NXPE1: variants seen among roughly 807,000 people sequenced by gnomAD.
NXPE1 encodes NXPE family member 1.
Under a neutral mutation model 33.3 loss-of-function variants are expected in NXPE1, and 31 were observed. The observed-to-expected ratio is 0.93, with a 90% CI of 0.70 to 1.26. NXPE1 has a LOEUF of 1.26. Ranked by LOEUF, NXPE1 falls within the 50% of genes most tolerant of loss-of-function variation. The pLI is 0.00. For synonymous variants in NXPE1, 229 were observed against 231.4 expected, an observed-to-expected ratio of 0.99 and a Z score of 0.09; for missense variants, 661 against 655.6, an observed-to-expected ratio of 1.01 and a Z score of -0.09.
chr11:114,530,667 C>T, exon 6 of NXPE1: 1 of 1,614,196 alleles, frequency 6.2e-7, no homozygotes, highest in Non-Finnish European at 8.5e-7. Context: ...CTGGTCTCCC[C>T]TGCAGTATGT....
downstream of NXPE1, among the ~76,000 whole-genome samples, chr11:114,519,654 G>A (rs572934470): frequency 6.6e-6 from 1 of 152,220 alleles, no homozygotes; most frequent in East Asian, 1.9e-4. Context: ...AGGGGCAGGA[G>A]GGCATTCTAG....
chr11:114,552,637 A>G (rs903498243), intron 2 of NXPE1, among the ~76,000 whole-genome samples: 21 of 152,020 alleles, frequency 1.4e-4, no homozygotes, highest in Non-Finnish European at 2.5e-4. Flanking sequence ...CCCGAGACTG[A>G]TCCAGGTTTT....
intron 1 of NXPE1, chr11:114,554,243 C>T (rs1274017366): frequency 1.0e-6 from 1 of 976,534 alleles, no homozygotes; most frequent in Non-Finnish European, 1.2e-6. Context: ...CTTTCCTGGC[C>T]TCTATTGTAT....
chr11:114,553,613 A>G (rs73568299), intron 1 of NXPE1: 3 of 593,632 alleles, frequency 5.1e-6, no homozygotes, highest in African/African-American at 2.0e-5. Flanking sequence ...TGTCTAAGCC[A>G]TAAGTAACTG....
intron 5 of NXPE1, among the ~76,000 whole-genome samples, chr11:114,544,112 T>C (rs1190695146): frequency 6.6e-6 from 1 of 152,236 alleles, no homozygotes; most frequent in Non-Finnish European, 1.5e-5. Flanking sequence ...AGAGATTCCA[T>C]GTTCATGGAT....
chr11:114,522,769 G>A (rs1840585), intron 8 of NXPE1, 110 bp downstream of exon 8: 124,023 of 754,930 alleles, frequency 0.16, 14,075 homozygotes, highest in African/African-American at 0.45. Flanking sequence ...CAAATCCAGA[G>A]AGCCAAATGA....
At chr11:114,527,568 T>A (rs1947408362) in intron 7 of NXPE1, among the ~76,000 whole-genome samples, 1 of 152,194 alleles carries the variant, frequency 6.6e-6, no homozygotes, top group South Asian at 2.1e-4. Context: ...CAAAGACATT[T>A]GCACAGTGCC....
chr11:114,557,184 G>A (rs1948671775), intron 1 of NXPE1, among the ~76,000 whole-genome samples: 3 of 152,164 alleles, frequency 2.0e-5, no homozygotes, highest in Admixed American at 6.5e-5. Flanking sequence ...ATGAGCTACC[G>A]TGCCCGGCCC....
exon 6 of NXPE1, chr11:114,530,887 A>T (rs773884891): frequency 4.3e-6 from 7 of 1,611,818 alleles, no homozygotes; most frequent in Admixed American, 1.7e-5. Flanking sequence ...ACAGAGATGG[A>T]TAAGTTTAGA....
At chr11:114,541,667 T>TG (rs1948101674) in intron 5 of NXPE1, among the ~76,000 whole-genome samples, 3 of 151,994 alleles carry the variant, frequency 2.0e-5, no homozygotes, top group African/African-American at 4.8e-5. Flanking sequence ...CAATTTGAAG[T>TG]GGGGGGGATG....
intron 5 of NXPE1, among the ~76,000 whole-genome samples, chr11:114,550,447 G>T (rs1377518605): frequency 6.6e-6 from 1 of 152,104 alleles, no homozygotes; most frequent in East Asian, 1.9e-4. Context: ...GTATGCTACG[G>T]AGGCCGCACT....
chr11:114,530,157 C>A lies in NXPE1; in HGVS notation c.833+18G>T. The A allele has an allele frequency of 1.3e-6, 2 of 1,574,412 alleles. No individual in the cohort carries two copies. The highest frequency in any genetic ancestry group is 1.4e-5 in the African/African-American group (1 of 73,714). Reference sequence around the variant, plus strand: ...TTCTCAGGGGACACTTCTCAGTATACATGAAAAGTATACTCACCTGTGGAA... The same window carrying A: ...TTCTCAGGGGACACTTCTCAGTATAAATGAAAAGTATACTCACCTGTGGAA... On this transcript the variant is annotated intron_variant, in intron 6 of 8. Coordinates refer to ENST00000534921, the Ensembl canonical transcript of NXPE1.
At chr11:114,558,072 C>A (rs1015739809) in intron 1 of NXPE1, among the ~76,000 whole-genome samples, 1 of 152,004 alleles carries the variant, frequency 6.6e-6, no homozygotes, top group Admixed American at 6.6e-5. Context: ...CTTAACAGAT[C>A]AAATATAACA....
chr11:114,522,346 T>C, exon 9 of NXPE1: 1 of 1,614,138 alleles, frequency 6.2e-7, no homozygotes, highest in Non-Finnish European at 8.5e-7. Context: ...GCCGGTCAAT[T>C]TCCCGAGGGA....
Position 114,540,837 on chromosome 11 carries a change from C to CTTTTTTTTT in NXPE1, c.100-9938_100-9930dup, listed in dbSNP as rs142403291. 4.8e-4 allele frequency among the ~76,000 whole-genome samples: 23 copies of CTTTTTTTTT among 47,472 alleles called. 9 individuals carry two copies. Among genetic ancestry groups the CTTTTTTTTT allele is most frequent in the Non-Finnish European group, 8.8e-4 (19 of 21,470 alleles). The allele number at this position is 47,472 out of a possible 152,430, so 31.1% of individuals were successfully genotyped here. A position where few individuals can be genotyped will look rare whatever the true frequency, so the allele number is the denominator to read the frequency against. On this transcript the variant is annotated intron_variant, in intron 5 of 8. Transcript: ENST00000534921. The stretch of plus-strand genomic sequence containing the variant: ...TAGCTAAAACACAATAGAAAGCCAT[C>CTTTTTTTTT]TTTTTTTTTTTTTTTTTTTTTTTTT...
chr11:114,554,488 A>ATTTT, intron 1 of NXPE1: 1 of 582,626 alleles, frequency 1.7e-6, no homozygotes, highest in Non-Finnish European at 2.2e-6. Context: ...CATAAAATAA[A>ATTTT]ATGTATAGAA....
rs778383169 is a variant in NXPE1, at chr11:114,522,520, T to G, written c.1109-17A>C. On this transcript the variant is annotated splice_polypyrimidine_tract_variant and intron_variant, in intron 8 of 8. Coordinates refer to ENST00000534921, the Ensembl canonical transcript of NXPE1. ...ACTTCAGTGCTGATAAAAAAACAAA[T>G]AGATGTTTTAAATAGAAGATAATGG... is the stretch of plus-strand genomic sequence containing the variant. The G allele has an allele frequency of 2.6e-5, 40 of 1,547,634 alleles. No homozygotes were observed. Among genetic ancestry groups the G allele is most frequent in the Non-Finnish European group, 3.5e-5 (40 of 1,142,486 alleles).
chr11:114,524,306 T>A (rs992520779), intron 7 of NXPE1, among the ~76,000 whole-genome samples: 1 of 152,152 alleles, frequency 6.6e-6, no homozygotes, highest in Non-Finnish European at 1.5e-5. Context: ...GAGAAGGCAG[T>A]GAGTATTGGG....
rs527554325 is a variant in NXPE1 at position 114,555,599 on chromosome 11, A to G, written c.-210-2719T>C. ...AGACACCTGTGTACCCATCACAATC[A>G]ATAAGTAGAATATTACCACCACCCC... On this transcript the variant is annotated intron_variant, in intron 1 of 8. Coordinates refer to ENST00000534921, the Ensembl canonical transcript of NXPE1. Among the ~76,000 whole-genome samples, 4 of 152,290 alleles carry G rather than the reference A, an allele frequency of 2.6e-5. No homozygotes were observed. In the East Asian group the frequency reaches 7.7e-4, roughly 29 times the overall value.
Sources: allele counts gnomAD v4.1 joint callset (sites outside exome capture counted in the v4.1 genomes callset), GRCh38; gene constraint gnomAD v4.1.1; transcripts MANE v1.5; gene names NCBI Gene and HGNC (gene_info 2026-07-23, HGNC 2026-07-21).